Variants in PTPRG observed in about 807,000 individuals in gnomAD.
PTPRG encodes protein tyrosine phosphatase receptor type G.
Under a neutral mutation model 165.3 loss-of-function variants are expected in PTPRG, and 102 were observed. The ratio of observed to expected loss-of-function variants is 0.62; its 90% CI spans 0.53 to 0.73. The LOEUF is 0.73. Ranked by LOEUF, PTPRG falls within the 30% of genes least tolerant of loss-of-function variation. The pLI is 0.00. For synonymous variants in PTPRG, 675 were observed against 669.5 expected (o/e 1.01, Z -0.13); for missense variants, 1,866 against 1,861.4 (o/e 1.00, Z -0.05).
intron 1 of PTPRG, among the ~76,000 whole-genome samples, chr3:61,619,125 C>G (rs2106893607): frequency 6.6e-6 from 1 of 152,050 alleles, no homozygotes; most frequent in South Asian, 2.1e-4. Flanking sequence ...CCACTGCATT[C>G]CAGCCTGGGC....
chr3:62,286,646 A>AGAT (rs1702674240), intron 28 of PTPRG, among the ~76,000 whole-genome samples: 1 of 152,150 alleles, frequency 6.6e-6, no homozygotes, highest in Non-Finnish European at 1.5e-5. Context: ...AGGCAGGGAA[A>AGAT]GATGAAAAAA....
intron 15 of PTPRG, among the ~76,000 whole-genome samples, chr3:62,251,728 T>G (rs1396486684): frequency 6.6e-6 from 1 of 152,212 alleles, no homozygotes; most frequent in Non-Finnish European, 1.5e-5. Context: ...TGTTATTCCT[T>G]GAAATTATAG....
intron 1 of PTPRG, among the ~76,000 whole-genome samples, chr3:61,673,944 C>T (rs2107085151): frequency 6.9e-6 from 1 of 145,922 alleles, no homozygotes; most frequent in African/African-American, 2.5e-5. Flanking sequence ...AACAGAAAAC[C>T]AAACACTGCT....
chr3:62,123,749 T>C (rs761506253), intron 5 of PTPRG, among the ~76,000 whole-genome samples: 2 of 152,142 alleles, frequency 1.3e-5, no homozygotes, highest in Non-Finnish European at 2.9e-5. Context: ...AATAGATATA[T>C]TTATATATAA....
chr3:61,897,981 C>T (rs2038404961), intron 2 of PTPRG, among the ~76,000 whole-genome samples: 1 of 152,002 alleles, frequency 6.6e-6, no homozygotes, highest in African/African-American at 2.4e-5. Context: ...ATAGACAAGC[C>T]TGTCATCTGC....
At chr3:62,150,495 G>A (rs2106676254) in intron 6 of PTPRG, among the ~76,000 whole-genome samples, 1 of 152,278 alleles carries the variant, frequency 6.6e-6, no homozygotes, top group East Asian at 1.9e-4. Flanking sequence ...CAGATGATTT[G>A]CCTGCACATT....
intron 2 of PTPRG, among the ~76,000 whole-genome samples, chr3:61,847,198 C>CA (rs2036831506): frequency 6.6e-6 from 1 of 152,114 alleles, no homozygotes; most frequent in African/African-American, 2.4e-5. Flanking sequence ...TCCAGTATAA[C>CA]AGGTGTCCTT....
intron 6 of PTPRG, 84 bp from the exon 7 acceptor site, chr3:62,156,983 C>A: frequency 8.0e-7 from 1 of 1,245,898 alleles, no homozygotes; most frequent in Non-Finnish European, 1.2e-6. Flanking sequence ...GTGGCACCAG[C>A]ATGCCGAGGG....
intron 16 of PTPRG, among the ~76,000 whole-genome samples, chr3:62,260,275 A>G (rs182384777): frequency 4.3e-4 from 66 of 152,256 alleles, no homozygotes; most frequent in African/African-American, 1.5e-3. Flanking sequence ...ATTCTCAGCT[A>G]CCTTTTTGGA....
chr3:61,624,995 T>G (rs1292933701), intron 1 of PTPRG, among the ~76,000 whole-genome samples: 1 of 152,046 alleles, frequency 6.6e-6, no homozygotes, highest in East Asian at 1.9e-4. Context: ...CAACTTTCTT[T>G]TCTTTGGCTC....
intron 2 of PTPRG, among the ~76,000 whole-genome samples, chr3:61,906,039 A>C (rs1355280813): frequency 6.6e-6 from 1 of 152,166 alleles, no homozygotes; most frequent in Non-Finnish European, 1.5e-5. Context: ...TTTATATTTT[A>C]GGTTTTTTTA....
intron 1 of PTPRG, among the ~76,000 whole-genome samples, chr3:61,611,770 TC>T (rs35273041): frequency 0.025 from 3,799 of 152,308 alleles, 68 homozygotes; most frequent in East Asian, 0.062. Context: ...ATGGTAGTGT[TC>T]CAATAAAACT....
chr3:61,689,266 C>T (rs557103488), intron 1 of PTPRG, among the ~76,000 whole-genome samples: 1 of 152,208 alleles, frequency 6.6e-6, no homozygotes, highest in Non-Finnish European at 1.5e-5. Flanking sequence ...AACTGCTTCC[C>T]TATCATCATC....
At chr3:61,916,999 G>C (rs1423642773) in intron 2 of PTPRG, among the ~76,000 whole-genome samples, 1 of 152,164 alleles carries the variant, frequency 6.6e-6, no homozygotes, top group African/African-American at 2.4e-5. Context: ...ATTCTGAGCT[G>C]TTTTCTTCTG....
In PTPRG at chr3:62,150,386, AT is replaced by A. The variant is rs1184844221; in HGVS notation, c.683-6680del. 7.2e-5 allele frequency among the ~76,000 whole-genome samples: 11 copies of A among 152,312 alleles called. No homozygotes were observed. In the East Asian group the frequency reaches 1.9e-3, roughly 27 times the overall value. ...CCCTGTAGAAAGTGGCTAGTCAGAT[AT>A]GGTCCTGAGACCAGCAGCATCCATT... On this transcript the variant is annotated intron_variant, in intron 6 of 29. Transcript: ENST00000474889.
chr3:61,983,901 G>A (rs1305163627), intron 2 of PTPRG, among the ~76,000 whole-genome samples: 2 of 151,966 alleles, frequency 1.3e-5, no homozygotes, highest in Non-Finnish European at 2.9e-5. Flanking sequence ...ATTTTTATAT[G>A]ATATTTGTTT....
intron 2 of PTPRG, among the ~76,000 whole-genome samples, chr3:61,920,711 G>A (rs1159839721): frequency 1.3e-5 from 2 of 152,068 alleles, no homozygotes; most frequent in Non-Finnish European, 2.9e-5. Context: ...TATTTTTTTA[G>A]AGCAATTTTA....
intron 1 of PTPRG, among the ~76,000 whole-genome samples, chr3:61,643,696 G>A (rs1284126731): frequency 6.6e-6 from 1 of 152,000 alleles, no homozygotes; most frequent in East Asian, 1.9e-4. Context: ...CAGGGAGGTA[G>A]AGGTTGCAGG....
intron 6 of PTPRG, among the ~76,000 whole-genome samples, chr3:62,133,248 C>A (rs1375516703): frequency 1.3e-5 from 2 of 152,234 alleles, no homozygotes; most frequent in East Asian, 3.8e-4. Flanking sequence ...ACTGTATTAT[C>A]TGCACTGCAT....
Sources: gnomAD v4.1 joint callset for allele counts (sites outside exome capture counted in the v4.1 genomes callset) on GRCh38, gnomAD v4.1.1 for gene constraint, MANE v1.5 for transcripts, NCBI Gene and HGNC (gene_info 2026-07-23, HGNC 2026-07-21) for gene names.